SEC31A: variants seen among roughly 807,000 people sequenced by gnomAD.
The protein encoded by SEC31A is protein transport protein Sec31A.
In SEC31A, 70 loss-of-function variants were observed where a neutral mutation model predicts 151.0. The observed-to-expected ratio is 0.46, with a 90% CI of 0.38 to 0.57. SEC31A has a LOEUF of 0.57. Among genes scored for constraint, SEC31A ranks in the 20% least tolerant of loss-of-function variants. The pLI is 0.00. For missense variants in SEC31A, 1,330 were observed against 1,471.2 expected (o/e 0.90, Z 1.57); for synonymous variants, 475 against 505.9 (o/e 0.94, Z 0.82).
At chr4:82,892,119 G>A (rs1051917632), upstream of SEC31A, among the ~76,000 whole-genome samples, 1 of 152,238 alleles carries the variant, frequency 6.6e-6, no homozygotes, top group Non-Finnish European at 1.5e-5. Flanking sequence ...TCATAAGACA[G>A]CTTAACATCA....
At chr4:82,863,258 TTTA>T (rs1474907488) in intron 12 of SEC31A, 57 bp downstream of exon 12, 2 of 993,052 alleles carry the variant, frequency 2.0e-6, no homozygotes, top group Non-Finnish European at 3.1e-6. Context: ...TGTGTAGAAC[TTTA>T]TTTTTTAAAA....
At chr4:82,867,359 TG>T in intron 8 of SEC31A, 43 bp from the exon 9 acceptor site, 1 of 1,576,038 alleles carries the variant, frequency 6.3e-7, no homozygotes, top group Non-Finnish European at 8.7e-7. Context: ...GAAAATGGTA[TG>T]GCCACTTTGT....
chr4:82,868,519 T>TA (rs35531037), intron 8 of SEC31A, among the ~76,000 whole-genome samples: 27,686 of 109,268 alleles, frequency 0.25, 2,642 homozygotes, highest in South Asian at 0.34. Flanking sequence ...TTAATAGTAC[T>TA]AAAAAAAATA....
chr4:82,841,322 C>T (rs905226827), intron 22 of SEC31A, among the ~76,000 whole-genome samples: 1 of 150,874 alleles, frequency 6.6e-6, no homozygotes, highest in African/African-American at 2.4e-5. Context: ...ACTTGGGAGG[C>T]TGAGACAGGA....
intron 16 of SEC31A, 131 bp downstream of exon 16, chr4:82,856,821 G>T: frequency 1.3e-6 from 1 of 749,664 alleles, no homozygotes. Context: ...ACTATTTCCA[G>T]GTCAAGGAAT....
At chr4:82,886,087 T>C (rs1174079682) in intron 1 of SEC31A, among the ~76,000 whole-genome samples, 2 of 152,196 alleles carry the variant, frequency 1.3e-5, no homozygotes, top group Non-Finnish European at 2.9e-5. Flanking sequence ...TCCAGAGTTC[T>C]TTCTACTTCC....
chr4:82,820,903 C>A, intron 26 of SEC31A, 134 bp downstream of exon 26: 1 of 713,870 alleles, frequency 1.4e-6, no homozygotes, highest in South Asian at 1.7e-5. Context: ...TGATTCAACA[C>A]AGCCATGCCC....
chr4:82,880,756 A>G, intron 3 of SEC31A, 43 bp downstream of exon 3: 1 of 1,535,848 alleles, frequency 6.5e-7, no homozygotes, highest in Non-Finnish European at 8.9e-7. Flanking sequence ...CAAGAACAAT[A>G]TATAATTAAA....
chr4:82,830,286 C>T (rs1560587257), intron 22 of SEC31A, among the ~76,000 whole-genome samples: 2 of 152,058 alleles, frequency 1.3e-5, no homozygotes, highest in African/African-American at 2.4e-5. Context: ...CATGGGGAAA[C>T]CCCATCTCTA....
intron 4 of SEC31A, among the ~76,000 whole-genome samples, chr4:82,876,692 G>C (rs1361438635): frequency 3.3e-5 from 5 of 151,872 alleles, no homozygotes; most frequent in African/African-American, 4.8e-5. Context: ...GGTTTTCTCT[G>C]GTACATACCT....
Position 82,864,408 on chromosome 4 carries a change from T to A in SEC31A, c.1388A>T (p.Asp463Val). 1 of 1,614,188 alleles carries A rather than the reference T, an allele frequency of 6.2e-7. No individual in the cohort carries two copies. The highest frequency in any genetic ancestry group is 2.2e-5 in the East Asian group (1 of 44,892). Reference sequence around the variant, plus strand: ...TTTCTCAAATTCAGTCTGAGAAGCATCAATTTTTTTTTGGCAATAATTGAT... The same window carrying A: ...TTTCTCAAATTCAGTCTGAGAAGCAACAATTTTTTTTTGGCAATAATTGAT... Reference protein sequence around the residue: ...GFINYCQKKIDASQTEFEKNV... With the variant: ...GFINYCQKKIVASQTEFEKNV... The change falls in exon 11 of 27, where the codon GAT becomes GTT. Residue 463 changes from aspartate to valine, a missense_variant. Coordinates refer to ENST00000395310, the MANE Select transcript of SEC31A (RefSeq NM_001077207.4).
chr4:82,857,485 T>C (rs138493903), intron 15 of SEC31A, among the ~76,000 whole-genome samples: 112 of 152,310 alleles, frequency 7.4e-4, no homozygotes, highest in African/African-American at 2.6e-3. Context: ...AAAACTTTTT[T>C]TTTTGAGACA....
chr4:82,848,954 G>A lies in SEC31A; in HGVS notation c.2352C>T (p.Asp784=), dbSNP rs772581729. 1.2e-6 allele frequency: 2 copies of A among 1,613,206 alleles called. No individual in the cohort carries two copies. The highest frequency in any genetic ancestry group is 1.7e-6 in the Non-Finnish European group (2 of 1,179,704). Residue 784 remains aspartate (D), a synonymous_variant, in exon 20 of 27, where the codon GAC becomes GAT. Coordinates refer to ENST00000395310, the MANE Select transcript of SEC31A (RefSeq NM_001077207.4). ...TNQPNIMQLR[D]RLCRAQGEPV... is the part of the protein sequence containing the mutation. ...GCTCTCCTTGTGCTCTACAAAGTCTGTCACGAAGCTGCATGATATTTGGCT... is the reference window on the plus strand; with the variant it reads ...GCTCTCCTTGTGCTCTACAAAGTCTATCACGAAGCTGCATGATATTTGGCT...
chr4:82,821,728 T>C (rs1723408288), intron 25 of SEC31A, among the ~76,000 whole-genome samples: 1 of 152,078 alleles, frequency 6.6e-6, no homozygotes, highest in Non-Finnish European at 1.5e-5. Context: ...AAGGTATATA[T>C]GCATGTTTGC....
chr4:82,868,770 A>C (rs1431586975), intron 8 of SEC31A, among the ~76,000 whole-genome samples: 1 of 151,984 alleles, frequency 6.6e-6, no homozygotes, highest in Non-Finnish European at 1.5e-5. Context: ...ATCACAGCTC[A>C]TTGGAGTCTT....
chr4:82,827,605 G>C lies in SEC31A; in HGVS notation c.3055C>G (p.Pro1019Ala). The change falls in exon 24 of 27, where the codon CCC becomes GCC. Residue 1019 changes from proline to alanine, a missense_variant. Coordinates refer to ENST00000395310, the MANE Select transcript of SEC31A (RefSeq NM_001077207.4). ...GGGTTCATGATTGGTGATGTGATGG[G>C]AACAGGAGGCATGAAGTTTTCAGGC... ...KMPENFMPPV[P>A]ITSPIMNPLG... 6.2e-7 allele frequency: 1 copy of C among 1,614,100 alleles called. No individual in the cohort carries two copies. The highest frequency in any genetic ancestry group is 8.5e-7 in the Non-Finnish European group (1 of 1,179,976).
At chr4:82,857,284 T>C (rs981119684) in intron 15 of SEC31A, among the ~76,000 whole-genome samples, 154 bp from the exon 16 acceptor site, 1 of 152,212 alleles carries the variant, frequency 6.6e-6, no homozygotes, top group Non-Finnish European at 1.5e-5. Flanking sequence ...TAACACAAGC[T>C]ATTGGTATTT....
intron 22 of SEC31A, among the ~76,000 whole-genome samples, chr4:82,834,179 G>C (rs1434479818): frequency 6.6e-6 from 1 of 152,158 alleles, no homozygotes; most frequent in African/African-American, 2.4e-5. Context: ...TTCCAATAGA[G>C]GACTGACCTG....
intron 13 of SEC31A, among the ~76,000 whole-genome samples, chr4:82,862,307 T>C (rs1355421438): frequency 2.6e-5 from 4 of 152,106 alleles, no homozygotes; most frequent in Non-Finnish European, 4.4e-5. Context: ...TAATTCTGTT[T>C]TTCCTGCTTT....
Sources: allele counts gnomAD v4.1 joint callset (sites outside exome capture counted in the v4.1 genomes callset), GRCh38; gene constraint gnomAD v4.1.1; transcripts MANE v1.5; gene names NCBI Gene and HGNC (gene_info 2026-07-23, HGNC 2026-07-21).